Variants in LUZP2 observed in about 807,000 individuals in gnomAD.
LUZP2 encodes the protein leucine zipper protein 2.
In LUZP2, 52 loss-of-function variants were observed where a neutral mutation model predicts 51.6. That is an observed-to-expected ratio of 1.01 (90% CI 0.81 to 1.27). LUZP2 has a LOEUF of 1.27. LUZP2 is among the 50% of genes most tolerant of loss of function. The pLI, the probability that LUZP2 is intolerant of heterozygous loss-of-function variation, is 0.00. For missense variants in LUZP2, 436 were observed against 395.4 expected, an observed-to-expected ratio of 1.10 and a Z score of -0.87; for synonymous variants, 154 against 137.3, an observed-to-expected ratio of 1.12 and a Z score of -0.85.
chr11:24,610,124 C>T (rs1854070768), intron 1 of LUZP2, among the ~76,000 whole-genome samples: 1 of 152,168 alleles, frequency 6.6e-6, no homozygotes, highest in African/African-American at 2.4e-5. Flanking sequence ...CCCAAGTCTG[C>T]ACTGACTGAA....
intron 1 of LUZP2, among the ~76,000 whole-genome samples, chr11:24,722,516 G>T (rs968460202): frequency 6.6e-6 from 1 of 152,098 alleles, no homozygotes; most frequent in Non-Finnish European, 1.5e-5. Context: ...ACAACATGTA[G>T]GAATCATGGG....
At chr11:24,915,023 G>A (rs950318598) in intron 7 of LUZP2, among the ~76,000 whole-genome samples, 6 of 152,058 alleles carry the variant, frequency 3.9e-5, no homozygotes, top group Non-Finnish European at 7.4e-5. Context: ...ATCAGGACTT[G>A]TTGAAAATTT....
intron 1 of LUZP2, among the ~76,000 whole-genome samples, chr11:24,657,672 G>C (rs779640959): frequency 4.9e-4 from 74 of 152,288 alleles, no homozygotes; most frequent in Non-Finnish European, 7.1e-4. Flanking sequence ...TGTATATCTA[G>C]AAAACCCCAT....
intron 5 of LUZP2, among the ~76,000 whole-genome samples, chr11:24,881,100 T>C (rs1590682358): frequency 1.3e-5 from 2 of 152,252 alleles, no homozygotes; most frequent in South Asian, 4.1e-4. Context: ...CCAGGTAAGC[T>C]TAAGAGATTC....
chr11:24,912,105 TTTTCCTTTCG>T (rs1459989999), intron 6 of LUZP2, among the ~76,000 whole-genome samples: 1 of 152,048 alleles, frequency 6.6e-6, no homozygotes, highest in Non-Finnish European at 1.5e-5. Flanking sequence ...GTTTCCTTTC[TTTTCCTTTCG>T]TTTCCTTTCC....
At chr11:24,797,668 T>C (rs1340748318) in intron 5 of LUZP2, among the ~76,000 whole-genome samples, 3 of 152,206 alleles carry the variant, frequency 2.0e-5, no homozygotes, top group Non-Finnish European at 2.9e-5. Context: ...TCATACAGGA[T>C]AACTTAGGGG....
At chr11:24,983,644 C>T (rs747438157) in intron 9 of LUZP2, among the ~76,000 whole-genome samples, 3 of 151,462 alleles carry the variant, frequency 2.0e-5, no homozygotes, top group Non-Finnish European at 4.4e-5. Context: ...TCTTCTGGGG[C>T]ACAAGTATCT....
chr11:25,072,216 T>A (rs1328244118), intron 10 of LUZP2, among the ~76,000 whole-genome samples: 1 of 152,116 alleles, frequency 6.6e-6, no homozygotes. Context: ...GCAGGCACTT[T>A]CCATCATTAC....
chr11:24,551,231 A>G (rs1310274906), intron 1 of LUZP2, among the ~76,000 whole-genome samples: 2 of 152,262 alleles, frequency 1.3e-5, no homozygotes, highest in South Asian at 2.1e-4. Context: ...TGTAATATAT[A>G]CGTACTACAA....
intron 1 of LUZP2, among the ~76,000 whole-genome samples, chr11:24,631,142 A>G (rs1029552150): frequency 6.6e-6 from 1 of 151,916 alleles, no homozygotes. Flanking sequence ...ATCAGGAAAT[A>G]TTGATAATTT....
rs548862050 is a variant in LUZP2, at chr11:24,889,300, G to T, written c.397-16691G>T. Among the ~76,000 whole-genome samples, 3 of 152,264 alleles carry T rather than the reference G, an allele frequency of 2.0e-5. No individual in the cohort carries two copies. The South Asian group carries it at 6.2e-4, about 32-fold the overall frequency. ...GCATGACATCAAGCATGTACTGGAG[G>T]CGTGTAACTAAAAAATCTGGGATAT... On this transcript the variant is annotated intron_variant, in intron 5 of 11. Coordinates refer to ENST00000336930, the MANE Select transcript of LUZP2 (RefSeq NM_001009909.4).
rs185699311 is a variant in LUZP2 at position 25,015,064 on chromosome 11, T to C, written c.765+31771T>C. On this transcript the variant is annotated intron_variant, in intron 9 of 11. Transcript: ENST00000336930. Reference sequence around the variant, plus strand: ...TTGTCAAAGATCAGATAGTTGTAGATATGCATTGTATTTATTATAAAATAT... The same window carrying C: ...TTGTCAAAGATCAGATAGTTGTAGACATGCATTGTATTTATTATAAAATAT... 2.7e-3 allele frequency among the ~76,000 whole-genome samples: 404 copies of C among 152,320 alleles called. 1 individual carries two copies. The highest frequency in any genetic ancestry group is 3.4e-3 in the Middle Eastern group (1 of 294).
chr11:24,591,035 G>A (rs1337066508), intron 1 of LUZP2, among the ~76,000 whole-genome samples: 1 of 152,172 alleles, frequency 6.6e-6, no homozygotes, highest in Non-Finnish European at 1.5e-5. Context: ...CTTGAACCCA[G>A]GAGGTTGAGG....
intron 7 of LUZP2, among the ~76,000 whole-genome samples, chr11:24,961,342 T>TG (rs1443515210): frequency 1.5e-4 from 23 of 152,308 alleles, no homozygotes; most frequent in African/African-American, 5.5e-4. Context: ...ATGTTGACAG[T>TG]GGGGTGTTAA....
At chr11:24,966,647 G>A (rs1181538072) in intron 7 of LUZP2, among the ~76,000 whole-genome samples, 1 of 147,678 alleles carries the variant, frequency 6.8e-6, no homozygotes, top group Non-Finnish European at 1.5e-5. Flanking sequence ...TTATATATAA[G>A]ATATATAACA....
chr11:24,549,435 T>C (rs1851658865), intron 1 of LUZP2, among the ~76,000 whole-genome samples: 1 of 152,100 alleles, frequency 6.6e-6, no homozygotes, highest in Non-Finnish European at 1.5e-5. Context: ...TACTCTTAAT[T>C]CTTTTTTAAA....
chr11:24,580,284 T>C (rs1852801641), intron 1 of LUZP2, among the ~76,000 whole-genome samples: 1 of 152,166 alleles, frequency 6.6e-6, no homozygotes, highest in Non-Finnish European at 1.5e-5. Context: ...AAGGACATCA[T>C]TGTTTAAATC....
At chr11:24,567,789 A>G (rs904607126) in intron 1 of LUZP2, among the ~76,000 whole-genome samples, 5 of 152,136 alleles carry the variant, frequency 3.3e-5, no homozygotes, top group African/African-American at 1.2e-4. Context: ...ATAAATAAAA[A>G]CTGAGAAAAT....
chr11:24,778,140 C>A (rs1352737016), intron 5 of LUZP2, among the ~76,000 whole-genome samples: 6 of 152,020 alleles, frequency 3.9e-5, no homozygotes, highest in Non-Finnish European at 8.8e-5. Context: ...GTGGCTCATG[C>A]CTGGAATCCC....
Sources: gnomAD v4.1 joint callset for allele counts (sites outside exome capture counted in the v4.1 genomes callset) on GRCh38, gnomAD v4.1.1 for gene constraint, MANE v1.5 for transcripts, NCBI Gene and HGNC (gene_info 2026-07-23, HGNC 2026-07-21) for gene names.